Variants in SH3RF3 observed in about 807,000 individuals in gnomAD.
The protein encoded by SH3RF3 is SH3 domain containing ring finger 3.
Under a neutral mutation model 66.3 loss-of-function variants are expected in SH3RF3, and 29 were observed. That is an observed-to-expected ratio of 0.44 (90% CI 0.33 to 0.60). The LOEUF is 0.60. SH3RF3 is among the 20% of genes least tolerant of loss of function. The pLI is 0.04. For synonymous variants in SH3RF3, 583 were observed against 532.0 expected (o/e 1.10, Z -1.32); for missense variants, 1,194 against 1,190.9 (o/e 1.00, Z -0.04).
chr2:109,274,251 T>C (rs1204415608), intron 1 of SH3RF3, among the ~76,000 whole-genome samples: 1 of 152,230 alleles, frequency 6.6e-6, no homozygotes, highest in Non-Finnish European at 1.5e-5. Context: ...AAACATGTTA[T>C]CATTTTTTTT....
At chr2:109,404,698 G>A (rs182441721) in intron 4 of SH3RF3, among the ~76,000 whole-genome samples, 122 of 152,174 alleles carry the variant, frequency 8.0e-4, no homozygotes, top group Middle Eastern at 3.4e-3. Context: ...GCACCTTTGC[G>A]GAAGGCCCAT....
intron 3 of SH3RF3, among the ~76,000 whole-genome samples, chr2:109,395,094 A>G (rs2104426384): frequency 6.6e-6 from 1 of 152,336 alleles, no homozygotes. Context: ...ACTTCCCCAG[A>G]TGGAGAGTTT....
chr2:109,129,809 A>G lies in SH3RF3; in HGVS notation c.269A>G (p.His90Arg). Residue 90 changes from histidine (H) to arginine (R), a missense_variant, in exon 1 of 10, where the codon CAC becomes CGC. His to Arg is a conservative substitution (Grantham distance 29, BLOSUM62 0). Coordinates refer to ENST00000309415, the MANE Select transcript of SH3RF3 (RefSeq NM_001099289.3). ...CTGGAGAGCATCGTGTGCTCGCGCCACGAGCTGCGCTGCCCCGAGTGCCGC... is the reference window on the plus strand; with the variant it reads ...CTGGAGAGCATCGTGTGCTCGCGCCGCGAGCTGCGCTGCCCCGAGTGCCGC... ...RCLESIVCSRHELRCPECRIL... is the reference protein window; with the variant it reads ...RCLESIVCSRRELRCPECRIL... 1 of 1,538,266 alleles carries G rather than the reference A, an allele frequency of 6.5e-7. No homozygotes were observed. Among genetic ancestry groups the G allele is most frequent in the South Asian group, 1.2e-5 (1 of 83,294 alleles).
At chr2:109,471,747 G>A (rs562321061) in intron 8 of SH3RF3, among the ~76,000 whole-genome samples, 25 of 152,252 alleles carry the variant, frequency 1.6e-4, no homozygotes, top group African/African-American at 5.8e-4. Flanking sequence ...CTAATAAGAC[G>A]GTCCCAAGAG....
At chr2:109,427,157 C>T (rs868854005) in intron 5 of SH3RF3, among the ~76,000 whole-genome samples, 3 of 151,946 alleles carry the variant, frequency 2.0e-5, no homozygotes, top group South Asian at 2.1e-4. Flanking sequence ...TTAGTAGAGA[C>T]GGGGTTTCAC....
chr2:109,244,767 G>A (rs1335534340), intron 1 of SH3RF3, among the ~76,000 whole-genome samples: 1 of 152,214 alleles, frequency 6.6e-6, no homozygotes, highest in Non-Finnish European at 1.5e-5. Flanking sequence ...GGCCCTTGAG[G>A]CAGCCTGTGG....
intron 3 of SH3RF3, 109 bp from the exon 4 acceptor site, chr2:109,398,481 G>A (rs1676211965): frequency 1.0e-6 from 1 of 978,502 alleles, no homozygotes; most frequent in Non-Finnish European, 1.5e-6. Context: ...TGACGGATTT[G>A]AATGCATTGC....
chr2:109,438,373 C>T (rs1040374313), intron 7 of SH3RF3, among the ~76,000 whole-genome samples: 3 of 152,144 alleles, frequency 2.0e-5, no homozygotes, highest in Non-Finnish European at 4.4e-5. Flanking sequence ...TGTCTGGCAC[C>T]ATCAGTGGGT....
rs1679418163 is a variant in SH3RF3, at chr2:109,502,576, G to A, written c.*905G>A. 6.6e-6 allele frequency: 1 copy of A among 152,142 alleles called. No homozygotes were observed. The highest frequency in any genetic ancestry group is 2.1e-4 in the South Asian group (1 of 4,820). 9.4% of individuals were successfully genotyped at this position (152,142 alleles called of 1,614,324 possible). ...CCAGTACTCTGGGGGCTGGCGGGGT[G>A]GATCCATTGAGGGGGTCGGAGGGAG... is the stretch of plus-strand genomic sequence containing the variant. On this transcript the variant is annotated 3_prime_UTR_variant, in exon 10 of 10. Coordinates refer to ENST00000309415, the MANE Select transcript of SH3RF3 (RefSeq NM_001099289.3).
chr2:109,203,263 G>A (rs993780707), intron 1 of SH3RF3, among the ~76,000 whole-genome samples: 1 of 152,242 alleles, frequency 6.6e-6, no homozygotes. Flanking sequence ...GATGAGGCAG[G>A]CTGTGTGGCT....
rs569411551 is a variant in SH3RF3 at position 109,393,193 on chromosome 2, G to A, written c.946-5397G>A. On this transcript the variant is annotated intron_variant, in intron 3 of 9. Coordinates refer to ENST00000309415, the MANE Select transcript of SH3RF3 (RefSeq NM_001099289.3). ...GCAACCAGCCTTGGTGGCCTCTGCC[G>A]CACTCAGCCATGAGAGTGGGAGCTT... Among the ~76,000 whole-genome samples the A allele has an allele frequency of 6.6e-5, 10 of 152,310 alleles. No homozygotes were observed. The South Asian group carries it at 1.0e-3, about 16-fold the overall frequency.
At chr2:109,386,314 T>G (rs1448896588) in intron 3 of SH3RF3, among the ~76,000 whole-genome samples, 2 of 152,168 alleles carry the variant, frequency 1.3e-5, no homozygotes, top group African/African-American at 2.4e-5. Context: ...GGTGACATTG[T>G]GTGGCTTCTG....
At chr2:109,486,102 A>G (rs1434615094) in intron 8 of SH3RF3, among the ~76,000 whole-genome samples, 1 of 152,174 alleles carries the variant, frequency 6.6e-6, no homozygotes, top group South Asian at 2.1e-4. Context: ...GTAACCCTCA[A>G]TAACCTTTCT....
At chr2:109,452,762 G>T (rs1283412241) in intron 8 of SH3RF3, among the ~76,000 whole-genome samples, 2 of 150,970 alleles carry the variant, frequency 1.3e-5, no homozygotes, top group Admixed American at 6.6e-5. Context: ...GGCTGGTGCT[G>T]GCAGGCTGGT....
At chr2:109,140,676 C>T (rs138182188) in intron 1 of SH3RF3, among the ~76,000 whole-genome samples, 16 of 152,224 alleles carry the variant, frequency 1.1e-4, no homozygotes, top group East Asian at 3.9e-4. Flanking sequence ...CCACCATGCC[C>T]GGCCAATTTC....
chr2:109,315,404 C>G (rs1340803404), intron 1 of SH3RF3, among the ~76,000 whole-genome samples: 1 of 152,240 alleles, frequency 6.6e-6, no homozygotes, highest in African/African-American at 2.4e-5. Flanking sequence ...AAGTAAACCT[C>G]TGTCCCTATC....
chr2:109,152,188 G>T (rs983747114), intron 1 of SH3RF3, among the ~76,000 whole-genome samples: 1 of 152,220 alleles, frequency 6.6e-6, no homozygotes, highest in African/African-American at 2.4e-5. Flanking sequence ...CAGCGTCTTA[G>T]AAATAAATTA....
intron 1 of SH3RF3, among the ~76,000 whole-genome samples, chr2:109,304,459 T>C (rs1398379116): frequency 6.6e-6 from 1 of 152,182 alleles, no homozygotes; most frequent in East Asian, 1.9e-4. Flanking sequence ...CGTTGTCTGC[T>C]AGGGGTTCCT....
At chr2:109,356,455 C>T (rs1293336750) in intron 2 of SH3RF3, among the ~76,000 whole-genome samples, 1 of 152,224 alleles carries the variant, frequency 6.6e-6, no homozygotes, top group Admixed American at 6.5e-5. Flanking sequence ...TAGCACGACA[C>T]TCGACATGCT....
Sources: allele counts gnomAD v4.1 joint callset (sites outside exome capture counted in the v4.1 genomes callset), GRCh38; gene constraint gnomAD v4.1.1; transcripts MANE v1.5; gene names NCBI Gene and HGNC (gene_info 2026-07-23, HGNC 2026-07-21).